GLIS3: variants seen among roughly 807,000 people sequenced by gnomAD.
GLIS3 encodes the protein zinc finger protein GLIS3.
GLIS3 carries 53 observed loss-of-function variants against 78.6 expected under a neutral mutation model. The ratio of observed to expected loss-of-function variants is 0.67; its 90% CI spans 0.54 to 0.85. GLIS3 has a LOEUF of 0.85. GLIS3 is among the 40% of genes least tolerant of loss of function. GLIS3 has a pLI of 0.00. For missense variants in GLIS3, 1,703 were observed against 1,231.1 expected (o/e 1.38, Z -5.74); for synonymous variants, 684 against 509.9 (o/e 1.34, Z -4.60).
chr9:3,864,072 C>CT (rs1438417791), intron 8 of GLIS3, among the ~76,000 whole-genome samples: 1 of 152,076 alleles, frequency 6.6e-6, no homozygotes, highest in Non-Finnish European at 1.5e-5. Context: ...CAAATCCTCT[C>CT]TTTAAAAAAG....
intron 4 of GLIS3, among the ~76,000 whole-genome samples, chr9:3,941,260 G>A (rs534735003): frequency 6.6e-6 from 1 of 152,286 alleles, no homozygotes; most frequent in East Asian, 1.9e-4. Flanking sequence ...TCCTAGGATG[G>A]AAGAGGCATC....
At chr9:4,075,562 C>T (rs146251013) in intron 4 of GLIS3, among the ~76,000 whole-genome samples, 2,245 of 152,090 alleles carry the variant, frequency 0.015, 60 homozygotes, top group African/African-American at 0.051. Context: ...GATGACAGAG[C>T]GAGACTCCGT....
the GLIS3 span, among the ~76,000 whole-genome samples, chr9:4,457,520 C>T: frequency 6.6e-6 from 1 of 151,988 alleles, no homozygotes; most frequent in Non-Finnish European, 1.5e-5. Flanking sequence ...TGGACACATA[C>T]ATCTTTGGGC....
chr9:4,370,033 A>C, the GLIS3 span, among the ~76,000 whole-genome samples: 1 of 152,038 alleles, frequency 6.6e-6, no homozygotes, highest in Non-Finnish European at 1.5e-5. Context: ...CTGTACTAAA[A>C]ATACAAAAAT....
chr9:3,862,705 G>A (rs980450620), intron 8 of GLIS3, among the ~76,000 whole-genome samples: 3 of 152,074 alleles, frequency 2.0e-5, no homozygotes, highest in Non-Finnish European at 2.9e-5. Context: ...GTTTTTACAC[G>A]ATCAACTAGA....
At chr9:4,287,699 C>G (rs1387767909) in intron 1 of GLIS3, among the ~76,000 whole-genome samples, 1 of 152,096 alleles carries the variant, frequency 6.6e-6, no homozygotes, top group Non-Finnish European at 1.5e-5. Flanking sequence ...GTTGAACAAA[C>G]ATTTTTCAAC....
chr9:3,940,214 A>T (rs1186120776), intron 4 of GLIS3, among the ~76,000 whole-genome samples: 1 of 152,220 alleles, frequency 6.6e-6, no homozygotes, highest in Non-Finnish European at 1.5e-5. Context: ...AGATTGTTAC[A>T]AAATATACCA....
chr9:4,357,335 T>C, the GLIS3 span, among the ~76,000 whole-genome samples: 4 of 152,182 alleles, frequency 2.6e-5, no homozygotes, highest in Non-Finnish European at 5.9e-5. Flanking sequence ...CCCTGGAAGC[T>C]TTAATAGAAC....
At chr9:4,378,563 G>T in the GLIS3 span, among the ~76,000 whole-genome samples, 1 of 151,922 alleles carries the variant, frequency 6.6e-6, no homozygotes, top group Non-Finnish European at 1.5e-5. Flanking sequence ...ATTTTCTCTG[G>T]CAACCCTACA....
At chr9:4,312,011 G>A (rs1050030658) in intron 2 of GLIS3, among the ~76,000 whole-genome samples, 14 of 152,178 alleles carry the variant, frequency 9.2e-5, no homozygotes, top group Non-Finnish European at 1.3e-4. Context: ...AGGAAGAGGA[G>A]CAGAGAAAAA....
chr9:3,830,062 T>A (rs1305557259), intron 9 of GLIS3, among the ~76,000 whole-genome samples: 1 of 152,090 alleles, frequency 6.6e-6, no homozygotes, highest in East Asian at 1.9e-4. Context: ...ATCTTTGCAG[T>A]AAATGGAAAA....
At chr9:3,840,854 T>G (rs897966255) in intron 9 of GLIS3, among the ~76,000 whole-genome samples, 1 of 152,202 alleles carries the variant, frequency 6.6e-6, no homozygotes, top group Admixed American at 6.5e-5. Context: ...TCTCCACTTG[T>G]GCCCCTCACA....
intron 4 of GLIS3, among the ~76,000 whole-genome samples, chr9:4,037,429 G>A (rs1824412119): frequency 1.3e-5 from 2 of 152,090 alleles, no homozygotes; most frequent in Non-Finnish European, 2.9e-5. Flanking sequence ...ATTTTTACCT[G>A]AGCAAGGATT....
intron 2 of GLIS3, among the ~76,000 whole-genome samples, chr9:4,256,811 G>C (rs1005648478): frequency 6.6e-6 from 1 of 152,036 alleles, no homozygotes. Flanking sequence ...AAAGTTAAGA[G>C]AACTACCATA....
chr9:3,999,679 T>C (rs1248705473), intron 4 of GLIS3, among the ~76,000 whole-genome samples: 1 of 152,150 alleles, frequency 6.6e-6, no homozygotes, highest in African/African-American at 2.4e-5. Context: ...ATTGTAAACA[T>C]GTTAATGATT....
chr9:4,286,409 C>T lies in GLIS3; in HGVS notation c.17G>A (p.Cys6Tyr), dbSNP rs749040751. ...CGATGTCCGGTGGAGACTCATGCTG[C>T]ATGATCTTCCATTCATTCTGAAAAA... The part of the protein sequence containing the change: MNGRS[C>Y]SMSLHRTSGT... The change falls in exon 2 of 11, where the codon TGC (cysteine) becomes TAC (tyrosine). Residue 6 changes from cysteine to tyrosine, a missense_variant. By Grantham distance (194) the Cys-to-Tyr change is radical (BLOSUM62 -2). Coordinates refer to ENST00000381971, the MANE Select transcript of GLIS3 (RefSeq NM_001042413.2). 2 of 1,614,110 alleles carry T rather than the reference C, an allele frequency of 1.2e-6. No homozygotes were observed. The highest frequency in any genetic ancestry group is 1.1e-5 in the South Asian group (1 of 91,086).
At chr9:3,855,799 T>G (rs1819742972) in intron 9 of GLIS3, 2 of 591,682 alleles carry the variant, frequency 3.4e-6, no homozygotes, top group Non-Finnish European at 3.0e-6. Flanking sequence ...ACCAGTGCGA[T>G]GTGTCATAAA....
intron 1 of GLIS3, 70 bp from the exon 2 acceptor site, chr9:4,286,593 C>A: frequency 1.3e-6 from 1 of 773,500 alleles, no homozygotes. Context: ...AGTTTTTCAA[C>A]CTGTGTATCA....
At chr9:4,281,018 T>C (rs1401523429) in intron 2 of GLIS3, among the ~76,000 whole-genome samples, 4 of 152,226 alleles carry the variant, frequency 2.6e-5, no homozygotes, top group Admixed American at 2.6e-4. Flanking sequence ...CACCTAAAGT[T>C]GCATTTATCA....
Sources: gnomAD v4.1 joint callset for allele counts (sites outside exome capture counted in the v4.1 genomes callset) on GRCh38, gnomAD v4.1.1 for gene constraint, MANE v1.5 for transcripts, NCBI Gene and HGNC (gene_info 2026-07-23, HGNC 2026-07-21) for gene names.